UGGT2: variants seen among roughly 807,000 people sequenced by gnomAD.
The protein encoded by UGGT2 is UDP-glucose:glycoprotein glucosyltransferase 2.
UGGT2 carries 180 observed loss-of-function variants against 192.1 expected under a neutral mutation model. The observed-to-expected ratio is 0.94, with a 90% CI of 0.83 to 1.06. The LOEUF (loss-of-function observed/expected upper bound fraction) is 1.06, where lower values mean the gene tolerates loss of function less well. Among genes scored for constraint, UGGT2 ranks in the 50% least tolerant of loss-of-function variants. The pLI, the probability that UGGT2 is intolerant of heterozygous loss-of-function variation, is 0.00. For missense variants in UGGT2, 1,849 were observed against 1,795.7 expected (o/e 1.03, Z -0.54); for synonymous variants, 580 against 591.0 (o/e 0.98, Z 0.27).
intron 38 of UGGT2, among the ~76,000 whole-genome samples, chr13:95,802,789 G>T (rs562118232): frequency 3.3e-5 from 5 of 152,106 alleles, no homozygotes; most frequent in Non-Finnish European, 1.5e-5. Context: ...AAGAGAAACT[G>T]ACAGCCTGGT....
At chr13:95,884,084 A>AAAAAAAAAAAC (rs760204523) in intron 27 of UGGT2, among the ~76,000 whole-genome samples, 4 of 132,012 alleles carry the variant, frequency 3.0e-5, no homozygotes, top group South Asian at 2.4e-4. Context: ...AAAAAAAAAA[A>AAAAAAAAAAAC]AACCAACAAC....
intron 30 of UGGT2, among the ~76,000 whole-genome samples, chr13:95,866,091 A>G (rs1241058302): frequency 6.6e-6 from 1 of 151,600 alleles, no homozygotes; most frequent in Non-Finnish European, 1.5e-5. Flanking sequence ...TCCTGTCTCT[A>G]TTGCATTTGG....
intron 2 of UGGT2, among the ~76,000 whole-genome samples, chr13:96,025,935 A>G (rs576070886): frequency 6.6e-6 from 1 of 152,302 alleles, no homozygotes; most frequent in South Asian, 2.1e-4. Flanking sequence ...AAACAAATAA[A>G]AAGGAGAGAA....
At chr13:95,911,703 G>C (rs1337326076) in intron 20 of UGGT2, among the ~76,000 whole-genome samples, 2 of 149,640 alleles carry the variant, frequency 1.3e-5, no homozygotes, top group African/African-American at 5.1e-5. Context: ...CCAATCAATA[G>C]AAAAAGAGAG....
chr13:95,887,342 ATGACAG>A (rs1156313052), intron 26 of UGGT2: 1 of 509,598 alleles, frequency 2.0e-6, no homozygotes, highest in African/African-American at 1.9e-5. Flanking sequence ...CTCATAATGA[ATGACAG>A]TGATTCTGAT....
intron 6 of UGGT2, 21 bp from the exon 7 acceptor site, chr13:95,996,156 C>CA (rs1566807430): frequency 1.3e-6 from 2 of 1,565,242 alleles, no homozygotes; most frequent in Non-Finnish European, 8.7e-7. Flanking sequence ...GAAACAAAAC[C>CA]AAAAAACAAC....
chr13:95,893,481 T>C (rs987937459), intron 24 of UGGT2, among the ~76,000 whole-genome samples: 1 of 152,156 alleles, frequency 6.6e-6, no homozygotes, highest in Admixed American at 6.5e-5. Flanking sequence ...TAAATTCAAA[T>C]GTAAAGTGAC....
chr13:95,978,033 G>A (rs1464388887), intron 10 of UGGT2, among the ~76,000 whole-genome samples: 1 of 152,048 alleles, frequency 6.6e-6, no homozygotes, highest in Non-Finnish European at 1.5e-5. Flanking sequence ...GGGGTAGGGG[G>A]CAAGGGGAGA....
At chr13:95,835,174 C>G (rs1303706521) in intron 37 of UGGT2, among the ~76,000 whole-genome samples, 1 of 152,106 alleles carries the variant, frequency 6.6e-6, no homozygotes, top group Non-Finnish European at 1.5e-5. Flanking sequence ...GTTAAGGGCT[C>G]AACAGCCACA....
chr13:95,897,439 A>C (rs2047978361), intron 22 of UGGT2, among the ~76,000 whole-genome samples: 1 of 152,170 alleles, frequency 6.6e-6, no homozygotes. Flanking sequence ...AAATATGTCA[A>C]TTTTAAATTA....
At chr13:96,007,934 C>A (rs1173037217) in intron 5 of UGGT2, among the ~76,000 whole-genome samples, 1 of 152,138 alleles carries the variant, frequency 6.6e-6, no homozygotes, top group African/African-American at 2.4e-5. Flanking sequence ...GGATCATACA[C>A]TGGGGAAAGG....
intron 1 of UGGT2, among the ~76,000 whole-genome samples, chr13:96,042,498 A>G (rs2053194161): frequency 6.6e-6 from 1 of 152,178 alleles, no homozygotes. Flanking sequence ...CTCACCAGCA[A>G]TAGATCCAAA....
rs541054819 is a variant in UGGT2, at chr13:96,020,412, T to C, written c.485+2628A>G. Among the ~76,000 whole-genome samples the C allele has an allele frequency of 3.9e-5, 6 of 152,314 alleles. No individual in the cohort carries two copies. In the East Asian group the frequency reaches 1.2e-3, roughly 29 times the overall value. On this transcript the variant is annotated intron_variant, in intron 4 of 38. Transcript: ENST00000376747. ...TTCTCCTCCTGGGATTGATTCTTTG[T>C]TGTTTCTGCTGGACCACCTGGGGGT...
chr13:95,819,935 A>T (rs1414171791), intron 38 of UGGT2, among the ~76,000 whole-genome samples: 1 of 152,230 alleles, frequency 6.6e-6, no homozygotes, highest in East Asian at 1.9e-4. Flanking sequence ...AGGTGGGCAG[A>T]TCACTTGAGG....
chr13:95,856,421 G>T (rs1889623084), intron 33 of UGGT2, 81 bp from the exon 34 acceptor site: 1 of 1,459,948 alleles, frequency 6.8e-7, no homozygotes, highest in Admixed American at 2.4e-5. Context: ...CATTAAAAAG[G>T]TAAAGCTTCC....
At chr13:95,882,288 T>C (rs1455547613) in intron 27 of UGGT2, among the ~76,000 whole-genome samples, 9 of 152,226 alleles carry the variant, frequency 5.9e-5, no homozygotes, top group Admixed American at 5.9e-4. Flanking sequence ...GTGACAATCA[T>C]GTGAACAAAG....
At chr13:95,864,405 T>C (rs1890450767) in intron 30 of UGGT2, among the ~76,000 whole-genome samples, 1 of 152,208 alleles carries the variant, frequency 6.6e-6, no homozygotes, top group African/African-American at 2.4e-5. Flanking sequence ...ATGTAAAGAT[T>C]AACCACTGAA....
In UGGT2 at chr13:95,854,438, T is replaced by C. The variant is rs141995671; in HGVS notation, c.4046A>G (p.Asp1349Gly). The change falls in exon 35 of 39, where the codon GAT becomes GGT. Residue 1349 changes from aspartate (D) to glycine (G), a missense_variant. By Grantham distance (94) the Asp-to-Gly change is moderately conservative. Transcript: ENST00000376747. ...ATACCCATAAGGAGCTCCATCCAGATCGAAATCTCGAAGTTCTTTTAGATC... is the reference window on the plus strand; with the variant it reads ...ATACCCATAAGGAGCTCCATCCAGACCGAAATCTCGAAGTTCTTTTAGATC... Reference protein sequence around the residue: ...RHDLKELRDFDLDGAPYGYTP... With the variant: ...RHDLKELRDFGLDGAPYGYTP... 4.3e-6 allele frequency: 7 copies of C among 1,611,292 alleles called. No individual in the cohort carries two copies. In the African/African-American group the frequency reaches 8.0e-5, roughly 18 times the overall value.
At chr13:96,052,467 G>T (rs565155503) in intron 1 of UGGT2, among the ~76,000 whole-genome samples, 3 of 148,388 alleles carry the variant, frequency 2.0e-5, no homozygotes, top group Non-Finnish European at 4.5e-5. Context: ...ATAAACTATA[G>T]AAATGAAAAA....
Sources: allele counts gnomAD v4.1 joint callset (sites outside exome capture counted in the v4.1 genomes callset), GRCh38; gene constraint gnomAD v4.1.1; transcripts MANE v1.5; gene names NCBI Gene and HGNC (gene_info 2026-07-23, HGNC 2026-07-21).